Variants in MEF2A observed in about 807,000 individuals in gnomAD.
The protein encoded by MEF2A is myocyte enhancer factor 2A, also known as myocyte-specific enhancer factor 2A.
A neutral mutation model predicts 55.8 loss-of-function variants in MEF2A; 28 were observed. The ratio of observed to expected loss-of-function variants is 0.50; its 90% CI spans 0.37 to 0.69. The LOEUF is 0.69. MEF2A is among the 30% of genes least tolerant of loss of function. MEF2A has a pLI of 0.00. For synonymous variants in MEF2A, 239 were observed against 227.1 expected (o/e 1.05, Z -0.47); for missense variants, 528 against 626.2 (o/e 0.84, Z 1.67).
intron 1 of MEF2A, among the ~76,000 whole-genome samples, chr15:99,596,145 A>C (rs747806089): frequency 1.8e-4 from 27 of 152,214 alleles, no homozygotes; most frequent in Admixed American, 7.2e-4. Flanking sequence ...ATACATCATC[A>C]GTAACAGTAC....
At chr15:99,635,368 T>G (rs2043607819) in intron 3 of MEF2A, among the ~76,000 whole-genome samples, 1 of 152,196 alleles carries the variant, frequency 6.6e-6, no homozygotes, top group African/African-American at 2.4e-5. Context: ...ATCATAGACT[T>G]AAAGAGCTGC....
intron 7 of MEF2A, among the ~76,000 whole-genome samples, chr15:99,688,654 G>A (rs1261047413): frequency 6.6e-6 from 1 of 152,190 alleles, no homozygotes. Context: ...CTACTCAGGA[G>A]GCTGAGGCAG....
At chr15:99,616,941 C>G (rs1241687664) in intron 2 of MEF2A, among the ~76,000 whole-genome samples, 1 of 152,144 alleles carries the variant, frequency 6.6e-6, no homozygotes, top group Non-Finnish European at 1.5e-5. Context: ...CTTTTTGAAG[C>G]AGTCTTATAA....
chr15:99,578,406 T>A (rs761880272), intron 1 of MEF2A, among the ~76,000 whole-genome samples: 1 of 152,244 alleles, frequency 6.6e-6, no homozygotes, highest in Non-Finnish European at 1.5e-5. Flanking sequence ...TTTTACATTC[T>A]CCCTTCAGCT....
intron 8 of MEF2A, among the ~76,000 whole-genome samples, chr15:99,695,135 G>A (rs897656536): frequency 6.6e-6 from 1 of 151,978 alleles, no homozygotes; most frequent in African/African-American, 2.4e-5. Flanking sequence ...ACCAAGATCC[G>A]AGTGCTTTCC....
At position 99,614,720 on chromosome 15, in the gene MEF2A, T is replaced by G. The variant is rs138995248; in HGVS notation, c.-143+16209T>G. On this transcript the variant is annotated intron_variant, in intron 2 of 11. Transcript: ENST00000557942. ...TTCCTTGAGGAAATAATGGTAATACTGAGACACAAAGGATGGGTAGGACTG... is the reference window on the plus strand; with the variant it reads ...TTCCTTGAGGAAATAATGGTAATACGGAGACACAAAGGATGGGTAGGACTG... Among the ~76,000 whole-genome samples the G allele has an allele frequency of 4.0e-4, 61 of 152,268 alleles. 4 individuals are homozygous for G. In the East Asian group the frequency reaches 8.1e-3, roughly 20 times the overall value.
intron 7 of MEF2A, among the ~76,000 whole-genome samples, chr15:99,677,890 A>G (rs1486027384): frequency 6.6e-6 from 1 of 152,158 alleles, no homozygotes; most frequent in Non-Finnish European, 1.5e-5. Context: ...CAAGCATTGA[A>G]ATAGAAAATA....
intron 3 of MEF2A, among the ~76,000 whole-genome samples, chr15:99,641,554 C>T (rs1191096375): frequency 1.3e-5 from 2 of 152,236 alleles, no homozygotes; most frequent in East Asian, 1.9e-4. Context: ...AAACCTGTCT[C>T]TACTAAAAAA....
intron 1 of MEF2A, 52 bp from the exon 2 acceptor site, chr15:99,598,378 C>A (rs1337166351): frequency 6.6e-6 from 1 of 152,078 alleles, no homozygotes; most frequent in East Asian, 1.9e-4. Flanking sequence ...ATATTTAATT[C>A]AGCTTTGGAG....
chr15:99,657,889 G>A (rs1298423595), intron 4 of MEF2A, among the ~76,000 whole-genome samples: 2 of 152,098 alleles, frequency 1.3e-5, no homozygotes, highest in African/African-American at 4.8e-5. Flanking sequence ...AGCATTGTGT[G>A]GAATCGTAGT....
chr15:99,618,823 T>TA (rs2040649313), intron 2 of MEF2A, among the ~76,000 whole-genome samples: 1 of 152,230 alleles, frequency 6.6e-6, no homozygotes, highest in Admixed American at 6.5e-5. Flanking sequence ...AAATTATTTT[T>TA]AAAATGCAAA....
At chr15:99,700,165 T>G (rs1195113170) in intron 8 of MEF2A, among the ~76,000 whole-genome samples, 1 of 108,370 alleles carries the variant, frequency 9.2e-6, no homozygotes, top group Non-Finnish European at 1.9e-5. Context: ...GCCAGACACA[T>G]ACGTATATAT....
rs538522888 is a variant in MEF2A, at chr15:99,662,716, G to A, written c.259-8607G>A. Among the ~76,000 whole-genome samples, 5 of 152,280 alleles carry A rather than the reference G, an allele frequency of 3.3e-5. 1 individual carries two copies. The highest frequency in any genetic ancestry group is 1.2e-4 in the African/African-American group (5 of 41,574). ...TGGTTTCAAACTCCTGACCTAAAGT[G>A]ATCTGCCTGTCTCTGCCTCCCAAAG... On this transcript the variant is annotated intron_variant, in intron 4 of 11. Coordinates refer to ENST00000557942, the MANE Select transcript of MEF2A (RefSeq NM_001319206.4).
intron 2 of MEF2A, among the ~76,000 whole-genome samples, chr15:99,618,539 T>G (rs1377807932): frequency 1.3e-5 from 2 of 152,194 alleles, no homozygotes; most frequent in African/African-American, 4.8e-5. Context: ...TGTGCAGTGG[T>G]TATCTTTATA....
Position 99,632,997 on chromosome 15 carries a change from C to T in MEF2A, c.-123C>T. 1.4e-6 allele frequency: 1 copy of T among 690,474 alleles called. No individual in the cohort carries two copies. The highest frequency in any genetic ancestry group is 2.4e-6 in the Non-Finnish European group (1 of 414,906). 42.8% of individuals were successfully genotyped at this position (690,474 alleles called of 1,614,324 possible). ...TTTTAGATCTTGTAGAAAATTTCAG[C>T]TGTAGCCCTTGGACTAGAAGCTGAA... On this transcript the variant is annotated 5_prime_UTR_variant, in exon 3 of 12. Transcript: ENST00000557942.
Position 99,713,161 on chromosome 15 carries a change from C to G in MEF2A, c.*390C>G. 2.4e-6 allele frequency: 1 copy of G among 423,668 alleles called. No individual in the cohort carries two copies. The highest frequency in any genetic ancestry group is 4.2e-6 in the Non-Finnish European group (1 of 240,262). The allele number at this position is 423,668 out of a possible 1,614,324, so 26.2% of individuals were successfully genotyped here. ...AGGGCCCCCTACTTGTTTTATTTAA[C>G]TGTGCAGTGACTGTAGTTACTTAAG... is the stretch of plus-strand genomic sequence containing the variant. On this transcript the variant is annotated 3_prime_UTR_variant, in exon 12 of 12. Coordinates refer to ENST00000557942, the MANE Select transcript of MEF2A (RefSeq NM_001319206.4).
chr15:99,614,536 A>G (rs1040175616), intron 2 of MEF2A, among the ~76,000 whole-genome samples: 3 of 152,236 alleles, frequency 2.0e-5, no homozygotes, highest in African/African-American at 7.2e-5. Flanking sequence ...AACAGACTTG[A>G]TCTTCTCCCT....
intron 2 of MEF2A, among the ~76,000 whole-genome samples, chr15:99,607,574 T>G (rs1268040564): frequency 6.6e-6 from 1 of 152,164 alleles, no homozygotes; most frequent in East Asian, 1.9e-4. Flanking sequence ...TTGTAAAACA[T>G]TTTTTCCCCC....
At chr15:99,603,874 A>G (rs949097685) in intron 2 of MEF2A, among the ~76,000 whole-genome samples, 12 of 152,136 alleles carry the variant, frequency 7.9e-5, no homozygotes, top group Non-Finnish European at 2.9e-5. Context: ...TTCAACTTCA[A>G]TTGTGGATTT....
Sources: allele counts gnomAD v4.1 joint callset (sites outside exome capture counted in the v4.1 genomes callset), GRCh38; gene constraint gnomAD v4.1.1; transcripts MANE v1.5; gene names NCBI Gene and HGNC (gene_info 2026-07-23, HGNC 2026-07-21).